Variants in KLF12 observed in about 807,000 individuals in gnomAD.
KLF12 encodes the protein Krueppel-like factor 12.
Under a neutral mutation model 37.8 loss-of-function variants are expected in KLF12, and 9 were observed. That is an observed-to-expected ratio of 0.24 (90% CI 0.14 to 0.42). The LOEUF (loss-of-function observed/expected upper bound fraction) is 0.42. Among genes scored for constraint, KLF12 ranks in the 10% least tolerant of loss-of-function variants. KLF12 has a pLI of 1.00. For missense variants in KLF12, 411 were observed against 516.0 expected (o/e 0.80, Z 1.97); for synonymous variants, 208 against 202.1 (o/e 1.03, Z -0.25).
the KLF12 span, among the ~76,000 whole-genome samples, chr13:74,222,174 A>G: frequency 2.6e-5 from 4 of 152,214 alleles, no homozygotes; most frequent in Non-Finnish European, 5.9e-5. Flanking sequence ...TAGTTTGAGT[A>G]AATAAAATAG....
the KLF12 span, among the ~76,000 whole-genome samples, chr13:74,194,179 C>A: frequency 1.3e-5 from 2 of 152,088 alleles, no homozygotes; most frequent in Non-Finnish European, 2.9e-5. Context: ...CCACAAATCT[C>A]CAATCAAGTT....
At chr13:74,245,222 T>C in the KLF12 span, among the ~76,000 whole-genome samples, 1 of 152,190 alleles carries the variant, frequency 6.6e-6, no homozygotes, top group African/African-American at 2.4e-5. Flanking sequence ...ACGTTTGTGA[T>C]GAATTTGGGA....
intron 1 of KLF12, among the ~76,000 whole-genome samples, chr13:74,110,025 T>C (rs976855203): frequency 1.3e-5 from 2 of 152,188 alleles, no homozygotes; most frequent in African/African-American, 4.8e-5. Context: ...TAAGAGAGGA[T>C]AGTAAACTTT....
At chr13:73,738,227 C>T (rs1383263041) in intron 6 of KLF12, among the ~76,000 whole-genome samples, 3 of 151,066 alleles carry the variant, frequency 2.0e-5, no homozygotes, top group Non-Finnish European at 4.4e-5. Flanking sequence ...TCACTGCAAC[C>T]TCCACCTCCA....
intron 1 of KLF12, among the ~76,000 whole-genome samples, chr13:74,096,818 CAG>C (rs1038637292): frequency 1.3e-5 from 2 of 152,204 alleles, no homozygotes; most frequent in Admixed American, 1.3e-4. Flanking sequence ...TCAGGTGTGA[CAG>C]AGAATTAACA....
chr13:73,746,857 C>CAGG (rs934134453), intron 6 of KLF12, among the ~76,000 whole-genome samples: 1 of 144,670 alleles, frequency 6.9e-6, no homozygotes, highest in African/African-American at 2.6e-5. Flanking sequence ...CTCTGTCGCC[C>CAGG]AGGCTGGAGT....
Position 73,813,212 on chromosome 13 carries a change from G to A in KLF12, c.746C>T (p.Thr249Ile). Reference sequence around the variant, plus strand: ...TCCAGTTTCATTAACGCTATCTAAGGTCACATTTGGCAGGTCATCATCATC... The same window carrying A: ...TCCAGTTTCATTAACGCTATCTAAGATCACATTTGGCAGGTCATCATCATC... The change falls in exon 5 of 8, where the codon ACC (threonine) becomes ATC (isoleucine). Residue 249 changes from threonine to isoleucine, a missense_variant. Thr to Ile is a moderately conservative substitution (Grantham distance 89, BLOSUM62 -1). Coordinates refer to ENST00000377669, the MANE Select transcript of KLF12 (RefSeq NM_007249.5). 6.2e-7 allele frequency: 1 copy of A among 1,613,934 alleles called. No individual in the cohort carries two copies. Among genetic ancestry groups the A allele is most frequent in the East Asian group, 2.2e-5 (1 of 44,878 alleles).
At chr13:73,810,646 G>GAGACACACACAC (rs1882879355) in intron 5 of KLF12, among the ~76,000 whole-genome samples, 1 of 150,774 alleles carries the variant, frequency 6.6e-6, no homozygotes, top group East Asian at 2.0e-4. Flanking sequence ...TATTTATAAA[G>GAGACACACACAC]ACACACACAC....
chr13:73,807,539 C>T (rs1882711333), intron 5 of KLF12, among the ~76,000 whole-genome samples: 2 of 152,098 alleles, frequency 1.3e-5, no homozygotes, highest in South Asian at 4.1e-4. Flanking sequence ...CAGTGAAGTG[C>T]TTTAATTAGC....
chr13:74,023,403 A>C (rs1892894423), intron 1 of KLF12, among the ~76,000 whole-genome samples: 1 of 152,360 alleles, frequency 6.6e-6, no homozygotes, highest in East Asian at 1.9e-4. Flanking sequence ...GAAGTAGCAC[A>C]TGCCAGGTGG....
chr13:74,289,366 C>T, the KLF12 span, among the ~76,000 whole-genome samples: 17 of 152,162 alleles, frequency 1.1e-4, no homozygotes, highest in Non-Finnish European at 2.4e-4. Context: ...GTAAGGGAAG[C>T]TCTAAGCTCT....
chr13:74,274,412 A>G, the KLF12 span, among the ~76,000 whole-genome samples: 1 of 152,150 alleles, frequency 6.6e-6, no homozygotes, highest in Non-Finnish European at 1.5e-5. Flanking sequence ...ATTTTATTAT[A>G]TTTTGTAGTT....
chr13:74,030,523 G>T (rs906559742), intron 1 of KLF12, among the ~76,000 whole-genome samples: 1 of 152,070 alleles, frequency 6.6e-6, no homozygotes, highest in Non-Finnish European at 1.5e-5. Context: ...AGATGAAGAT[G>T]TCTGAACACC....
intron 2 of KLF12, among the ~76,000 whole-genome samples, chr13:73,948,841 T>C (rs890991830): frequency 6.6e-6 from 1 of 152,228 alleles, no homozygotes; most frequent in Non-Finnish European, 1.5e-5. Flanking sequence ...ACAAACCTAA[T>C]AGATTGAAAT....
the KLF12 span, chr13:74,231,415 A>G: frequency 6.6e-6 from 1 of 152,302 alleles, no homozygotes; most frequent in East Asian, 1.9e-4. Flanking sequence ...AAACAAAACT[A>G]TTATCTAGAG....
At chr13:74,235,111 G>A in the KLF12 span, among the ~76,000 whole-genome samples, 238 of 152,264 alleles carry the variant, frequency 1.6e-3, no homozygotes, top group Non-Finnish European at 2.7e-3. Flanking sequence ...TTGTCAACTC[G>A]TGAAGGCAGA....
At chr13:74,050,253 A>T (rs1872825132) in intron 1 of KLF12, among the ~76,000 whole-genome samples, 1 of 152,196 alleles carries the variant, frequency 6.6e-6, no homozygotes, top group South Asian at 2.1e-4. Flanking sequence ...TGAAATCCCA[A>T]AGGAAAATTA....
At chr13:74,188,525 A>G in the KLF12 span, among the ~76,000 whole-genome samples, 1 of 152,178 alleles carries the variant, frequency 6.6e-6, no homozygotes, top group Admixed American at 6.5e-5. Flanking sequence ...TATTTATTAA[A>G]TTGTGGCTCA....
chr13:74,016,551 C>T (rs1054587359), intron 1 of KLF12, among the ~76,000 whole-genome samples: 5 of 152,032 alleles, frequency 3.3e-5, no homozygotes, highest in East Asian at 3.9e-4. Flanking sequence ...TTGGTAGAGA[C>T]GAGGTCTTAC....
Sources: allele counts gnomAD v4.1 joint callset (sites outside exome capture counted in the v4.1 genomes callset), GRCh38; gene constraint gnomAD v4.1.1; transcripts MANE v1.5; gene names NCBI Gene and HGNC (gene_info 2026-07-23, HGNC 2026-07-21).